PACSIN2: variants seen among roughly 807,000 people sequenced by gnomAD.
PACSIN2 encodes protein kinase C and casein kinase substrate in neurons 2, also known as protein kinase C and casein kinase substrate in neurons protein 2.
Under a neutral mutation model 63.8 loss-of-function variants are expected in PACSIN2, and 25 were observed. The observed-to-expected ratio is 0.39, with a 90% CI of 0.29 to 0.55. The LOEUF is 0.55. PACSIN2 is among the 20% of genes least tolerant of loss of function. The pLI is 0.62. For missense variants in PACSIN2, 518 were observed against 646.9 expected, an observed-to-expected ratio of 0.80 and a Z score of 2.16; for synonymous variants, 255 against 256.2, an observed-to-expected ratio of 1.00 and a Z score of 0.05.
chr22:42,872,496 A>T (rs9607973), intron 10 of PACSIN2, among the ~76,000 whole-genome samples: 2 of 152,142 alleles, frequency 1.3e-5, no homozygotes, highest in African/African-American at 4.8e-5. Context: ...TTTCAGAATT[A>T]GATGCAGTTT....
chr22:42,984,814 A>G (rs1228977004), intron 1 of PACSIN2, among the ~76,000 whole-genome samples: 2 of 152,166 alleles, frequency 1.3e-5, no homozygotes, highest in Non-Finnish European at 2.9e-5. Context: ...CTTCCTTCTC[A>G]GCACATCAAC....
intron 1 of PACSIN2, among the ~76,000 whole-genome samples, chr22:42,914,037 C>T (rs932740703): frequency 6.6e-5 from 10 of 152,170 alleles, no homozygotes; most frequent in South Asian, 4.1e-4. Context: ...AAGACATTGC[C>T]GCTGTGAGGA....
At chr22:42,941,763 T>TTTTTG (rs149528156) in intron 1 of PACSIN2, among the ~76,000 whole-genome samples, 15 of 152,006 alleles carry the variant, frequency 9.9e-5, no homozygotes, top group African/African-American at 2.9e-4. Context: ...GAGTTTGGGG[T>TTTTTG]TTTTGTTTTG....
rs1387510641 is a variant in PACSIN2 at position 42,968,841 on chromosome 22, C to T, written c.-78+46180G>A. On this transcript the variant is annotated intron_variant, in intron 1 of 10. Coordinates refer to ENST00000263246, the MANE Select transcript of PACSIN2 (RefSeq NM_001184970.3). Reference sequence around the variant, plus strand: ...CTTTGGACTCCTGGACTTATACCAGCGGCCCCTGGGTTCTTAGGCCTTCAG... The same window carrying T: ...CTTTGGACTCCTGGACTTATACCAGTGGCCCCTGGGTTCTTAGGCCTTCAG... Among the ~76,000 whole-genome samples the T allele has an allele frequency of 3.3e-5, 5 of 152,202 alleles. No individual in the cohort carries two copies. The South Asian group carries it at 6.2e-4, about 19-fold the overall frequency.
At chr22:42,908,234 G>C (rs1311607174) in intron 2 of PACSIN2, among the ~76,000 whole-genome samples, 1 of 152,216 alleles carries the variant, frequency 6.6e-6, no homozygotes, top group Non-Finnish European at 1.5e-5. Flanking sequence ...CTTTTGTTGA[G>C]GCAGACTCAG....
intron 2 of PACSIN2, among the ~76,000 whole-genome samples, chr22:42,904,152 G>A (rs143959063): frequency 3.2e-4 from 49 of 152,310 alleles, no homozygotes; most frequent in African/African-American, 1.0e-3. Context: ...ATGTGTTTAC[G>A]CAAAGCTGTG....
At chr22:42,916,059 T>G (rs1012383660) in intron 1 of PACSIN2, among the ~76,000 whole-genome samples, 2 of 152,148 alleles carry the variant, frequency 1.3e-5, no homozygotes, top group African/African-American at 4.8e-5. Flanking sequence ...GCTCTACCAC[T>G]GGCCAGCTGG....
chr22:42,984,161 G>A lies in PACSIN2; in HGVS notation c.-78+30860C>T, dbSNP rs373520023. Among the ~76,000 whole-genome samples the A allele has an allele frequency of 4.4e-4, 67 of 151,584 alleles. 2 individuals carry two copies. In the South Asian group the frequency reaches 0.014, roughly 31 times the overall value. On this transcript the variant is annotated intron_variant, in intron 1 of 10. Transcript: ENST00000263246. The stretch of plus-strand genomic sequence containing the variant: ...AATTTTTATGTTTTTTTGTAGAGAC[G>A]GAGTTTCGCCATGTTGCTCAGGCTG...
chr22:42,938,592 A>G (rs1044794200), intron 1 of PACSIN2, among the ~76,000 whole-genome samples: 1 of 152,204 alleles, frequency 6.6e-6, no homozygotes, highest in African/African-American at 2.4e-5. Context: ...AACATGAAGA[A>G]TGCCTCTGCA....
At chr22:42,923,061 C>T (rs950441101) in intron 1 of PACSIN2, among the ~76,000 whole-genome samples, 1 of 152,172 alleles carries the variant, frequency 6.6e-6, no homozygotes, top group African/African-American at 2.4e-5. Context: ...AAAGCGGAAG[C>T]TCACATGCTT....
At chr22:42,984,469 C>G (rs554467770) in intron 1 of PACSIN2, among the ~76,000 whole-genome samples, 2 of 152,266 alleles carry the variant, frequency 1.3e-5, no homozygotes, top group South Asian at 4.2e-4. Context: ...TAGTAAAACA[C>G]TGGTCCCATC....
rs745988240 is a variant in PACSIN2, at chr22:42,884,459, C to T, written c.712G>A (p.Glu238Lys). 30 of 1,614,100 alleles carry T rather than the reference C, an allele frequency of 1.9e-5. No homozygotes were observed. Among genetic ancestry groups the T allele is most frequent in the Non-Finnish European group, 2.5e-5 (29 of 1,180,028 alleles). The stretch of plus-strand genomic sequence containing the variant: ...TCCCGGAAGAAGCGAAGGCGTTTCT[C>T]CTCGAACTGCTGGCACTGCTCAAAC... ...QVFEQCQQFEEKRLRFFREVL... is the reference protein window; with the variant it reads ...QVFEQCQQFEKKRLRFFREVL... Residue 238 changes from glutamate to lysine, a missense_variant, in exon 6 of 11, where the codon GAG (glutamate) becomes AAG (lysine). Transcript: ENST00000263246.
intron 1 of PACSIN2, among the ~76,000 whole-genome samples, chr22:42,982,888 A>AAAAAAAAAAAAAAAAAAAAAAACAAAC (rs759532303): frequency 9.5e-6 from 1 of 105,158 alleles, no homozygotes; most frequent in Non-Finnish European, 2.1e-5. Context: ...AAAAAAAAAA[A>AAAAAAAAAAAAAAAAAAAAAAACAAAC]AACAACAACA....
At chr22:42,873,522 T>C (rs1928337104) in intron 10 of PACSIN2, among the ~76,000 whole-genome samples, 1 of 152,318 alleles carries the variant, frequency 6.6e-6, no homozygotes, top group Admixed American at 6.5e-5. Context: ...GCTAGGCCAT[T>C]GGGCACAGCC....
At chr22:42,939,012 T>C (rs1933031386) in intron 1 of PACSIN2, among the ~76,000 whole-genome samples, 2 of 152,220 alleles carry the variant, frequency 1.3e-5, no homozygotes, top group South Asian at 2.1e-4. Flanking sequence ...TTCAGACCGC[T>C]TGCTCCAGCT....
rs759729412 is a variant in PACSIN2 at position 42,912,056 on chromosome 22, C to A, written c.25G>T (p.Val9Phe). MSVTYDDS[V>F]GVEVSSDSFW... ...CTGTCGCTGGACACTTCTACTCCAA[C>A]GGAATCATCATATGTGACAGACATT... The change falls in exon 2 of 11, where the codon GTT becomes TTT. Residue 9 changes from valine (V) to phenylalanine (F), a missense_variant. Val to Phe is a conservative substitution (Grantham distance 50). This residue lies in a region of PACSIN2 where 507 missense variants were observed against 612.3 expected (regional missense o/e 0.83). Transcript: ENST00000263246. The A allele has an allele frequency of 1.2e-6, 2 of 1,603,546 alleles. No homozygotes were observed. Among genetic ancestry groups the A allele is most frequent in the Non-Finnish European group, 1.7e-6 (2 of 1,176,340 alleles).
intron 1 of PACSIN2, among the ~76,000 whole-genome samples, chr22:42,991,936 T>A (rs942651768): frequency 6.6e-6 from 1 of 151,918 alleles, no homozygotes; most frequent in Non-Finnish European, 1.5e-5. Context: ...TGAGAAAACA[T>A]TTGTGACCTG....
At chr22:42,957,227 G>A (rs1933953109) in intron 1 of PACSIN2, among the ~76,000 whole-genome samples, 2 of 152,164 alleles carry the variant, frequency 1.3e-5, no homozygotes, top group South Asian at 4.1e-4. Flanking sequence ...TATTGCTTAT[G>A]TATTCCACTT....
In PACSIN2 at chr22:42,889,318, G is replaced by T. The variant is rs555733347; in HGVS notation, c.454-520C>A. On this transcript the variant is annotated intron_variant, in intron 4 of 10. Transcript: ENST00000263246. ...AGGAGGAACCCAGCATGAGAGAGAG[G>T]ACCATACTAGGGGGCAGGGCCATCA... Among the ~76,000 whole-genome samples the T allele has an allele frequency of 2.2e-4, 33 of 149,134 alleles. No individual in the cohort carries two copies. In the South Asian group the frequency reaches 6.8e-3, roughly 31 times the overall value.
Sources: allele counts gnomAD v4.1 joint callset (sites outside exome capture counted in the v4.1 genomes callset), GRCh38; gene constraint gnomAD v4.1.1; regional missense constraint gnomAD v4.1.1; transcripts MANE v1.5; gene names NCBI Gene and HGNC (gene_info 2026-07-23, HGNC 2026-07-21).